ANKHD1: variants seen among roughly 807,000 people sequenced by gnomAD.
ANKHD1 encodes ankyrin repeat and KH domain containing 1, also known as ankyrin repeat and KH domain-containing protein 1.
A neutral mutation model predicts 230.5 loss-of-function variants in ANKHD1; 31 were observed. That is an observed-to-expected ratio of 0.13 (90% CI 0.10 to 0.18). The LOEUF (loss-of-function observed/expected upper bound fraction) is 0.18, where lower values mean the gene tolerates loss of function less well. ANKHD1 is among the 10% of genes least tolerant of loss of function. The pLI is 1.00. For synonymous variants in ANKHD1, 1,074 were observed against 1,117.6 expected (o/e 0.96, Z 0.78); for missense variants, 2,256 against 3,071.3 (o/e 0.73, Z 6.27).
intron 2 of ANKHD1, among the ~76,000 whole-genome samples, chr5:140,436,481 C>T (rs1742081108): frequency 6.6e-6 from 1 of 152,186 alleles, no homozygotes; most frequent in African/African-American, 2.4e-5. Flanking sequence ...CGCAGTGGCT[C>T]ACGCCTGTAA....
chr5:140,410,716 G>A (rs1770859624), intron 1 of ANKHD1, among the ~76,000 whole-genome samples: 1 of 151,846 alleles, frequency 6.6e-6, no homozygotes, highest in African/African-American at 2.4e-5. Context: ...TAGAATCTTG[G>A]TGATAATCCT....
At chr5:140,525,607 A>C (rs1351882673) in intron 25 of ANKHD1, among the ~76,000 whole-genome samples, 1 of 152,146 alleles carries the variant, frequency 6.6e-6, no homozygotes, top group African/African-American at 2.4e-5. Context: ...GCAGTGGCTC[A>C]CACCTGTAAT....
At position 140,529,523 on chromosome 5, in the gene ANKHD1, A is replaced by G. The variant is rs931609608; in HGVS notation, c.6577A>G (p.Ile2193Val). 4 of 1,614,118 alleles carry G rather than the reference A, an allele frequency of 2.5e-6. No homozygotes were observed. Among genetic ancestry groups the G allele is most frequent in the Non-Finnish European group, 3.4e-6 (4 of 1,180,052 alleles). ...VNIMNGSQMHINPANKSLPPT... is the reference protein window; with the variant it reads ...VNIMNGSQMHVNPANKSLPPT... Reference sequence around the variant, plus strand: ...CATTATGAATGGTTCTCAGATGCACATAAACCCAGCAAATAAGTCTTTGCC... The same window carrying G: ...CATTATGAATGGTTCTCAGATGCACGTAAACCCAGCAAATAAGTCTTTGCC... Residue 2193 changes from isoleucine to valine, a missense_variant, in exon 29 of 34, where the codon ATA becomes GTA. Coordinates refer to ENST00000360839, the MANE Select transcript of ANKHD1 (RefSeq NM_017747.3).
intron 10 of ANKHD1, chr5:140,472,399 C>T: frequency 6.7e-7 from 1 of 1,498,152 alleles, no homozygotes; most frequent in East Asian, 2.4e-5. Context: ...TTCCAGGACC[C>T]TGCTGGGTGA....
intron 1 of ANKHD1, among the ~76,000 whole-genome samples, chr5:140,424,219 TAGAGAGAGAGAG>T (rs146480393): frequency 6.7e-6 from 1 of 149,550 alleles, no homozygotes; most frequent in Non-Finnish European, 1.5e-5. Context: ...TATATATATA[TAGAGAGAGAGAG>T]AGAGAGAGAG....
intron 4 of ANKHD1, 111 bp downstream of exon 4, chr5:140,440,377 C>A: frequency 1.4e-6 from 2 of 1,392,590 alleles, no homozygotes; most frequent in East Asian, 5.3e-5. Context: ...CTTCTCTTCC[C>A]CCATCCTCCT....
intron 29 of ANKHD1, among the ~76,000 whole-genome samples, chr5:140,533,414 C>T (rs775392769): frequency 6.6e-6 from 1 of 151,926 alleles, no homozygotes; most frequent in Non-Finnish European, 1.5e-5. Flanking sequence ...CTGGTTAACA[C>T]GGTGAAACCC....
intron 32 of ANKHD1, 40 bp from the exon 33 acceptor site, chr5:140,538,879 T>C: frequency 7.0e-7 from 1 of 1,434,588 alleles, no homozygotes. Flanking sequence ...TTATAATTTA[T>C]AGTAATTTTA....
chr5:140,426,954 C>T (rs2126885826), intron 1 of ANKHD1, among the ~76,000 whole-genome samples: 1 of 152,350 alleles, frequency 6.6e-6, no homozygotes, highest in East Asian at 1.9e-4. Flanking sequence ...ATTTCTCAAT[C>T]TTTTCCCCAC....
In ANKHD1 at chr5:140,539,476, A is replaced by G; in HGVS notation, c.*58A>G. ...AGAAACCTATGACCTTGGAAGAACCATGGGGATTTTTTTTTAATGTGCCTA... is the reference window on the plus strand; with the variant it reads ...AGAAACCTATGACCTTGGAAGAACCGTGGGGATTTTTTTTTAATGTGCCTA... On this transcript the variant is annotated 3_prime_UTR_variant, in exon 34 of 34. Transcript: ENST00000360839. The G allele has an allele frequency of 6.5e-7, 1 of 1,535,774 alleles. No homozygotes were observed.
intron 1 of ANKHD1, among the ~76,000 whole-genome samples, chr5:140,417,358 A>G (rs1771474679): frequency 6.6e-6 from 1 of 151,852 alleles, no homozygotes; most frequent in Non-Finnish European, 1.5e-5. Context: ...ACAGTAGTGG[A>G]TACATTCTCT....
At chr5:140,498,323 CT>C (rs1194688667) in intron 15 of ANKHD1, 3 of 152,128 alleles carry the variant, frequency 2.0e-5, no homozygotes, top group Non-Finnish European at 4.4e-5. Context: ...TTTTGTGAGC[CT>C]TTAGTCTTCC....
In ANKHD1 at chr5:140,433,449, C is replaced by A. The variant is rs919953891; in HGVS notation, c.307-2655C>A. Among the ~76,000 whole-genome samples, 60 of 152,180 alleles carry A rather than the reference C, an allele frequency of 3.9e-4. 3 individuals carry two copies. Among genetic ancestry groups the A allele is most frequent in the Non-Finnish European group, 1.5e-5 (1 of 68,026 alleles). ...CCACCTCTACCCCTATGTCTAACTA[C>A]CTATTGAAATTCTGTGCATCCTTCA... is the stretch of plus-strand genomic sequence containing the variant. On this transcript the variant is annotated intron_variant, in intron 1 of 33. Coordinates refer to ENST00000360839, the MANE Select transcript of ANKHD1 (RefSeq NM_017747.3).
chr5:140,440,846 A>G, intron 4 of ANKHD1, 149 bp from the exon 5 acceptor site: 1 of 968,184 alleles, frequency 1.0e-6, no homozygotes, highest in East Asian at 3.3e-5. Context: ...TTAAGCAGTG[A>G]GTATTGGCAT....
intron 5 of ANKHD1, 103 bp from the exon 6 acceptor site, chr5:140,445,634 TGTATC>T: frequency 9.6e-7 from 1 of 1,044,708 alleles, no homozygotes; most frequent in African/African-American, 1.6e-5. Context: ...TAATCATAAT[TGTATC>T]TGTTCTGTCA....
chr5:140,450,629 T>G (rs1774657900), intron 7 of ANKHD1, among the ~76,000 whole-genome samples: 1 of 152,062 alleles, frequency 6.6e-6, no homozygotes, highest in Admixed American at 6.6e-5. Context: ...AGCCTGTACC[T>G]CCTGTACTCA....
At chr5:140,529,941 T>C in intron 29 of ANKHD1, 145 bp downstream of exon 29, 1 of 1,307,508 alleles carries the variant, frequency 7.6e-7, no homozygotes, top group South Asian at 1.6e-5. Context: ...CTGTCCCTCA[T>C]AGTAAGGAAG....
intron 1 of ANKHD1, 131 bp from the exon 2 acceptor site, chr5:140,435,973 C>T: frequency 8.2e-7 from 1 of 1,217,932 alleles, no homozygotes; most frequent in Admixed American, 3.6e-5. Context: ...TTCCCATACT[C>T]CCTTGTTTCT....
intron 24 of ANKHD1, among the ~76,000 whole-genome samples, chr5:140,520,139 A>T (rs1450779691): frequency 2.0e-5 from 3 of 152,098 alleles, no homozygotes; most frequent in Non-Finnish European, 4.4e-5. Flanking sequence ...GACACTTCTC[A>T]AAAGAAGACA....
Sources: gnomAD v4.1 joint callset for allele counts (sites outside exome capture counted in the v4.1 genomes callset) on GRCh38, gnomAD v4.1.1 for gene constraint, MANE v1.5 for transcripts, NCBI Gene and HGNC (gene_info 2026-07-23, HGNC 2026-07-21) for gene names.